The following HP1BP3 variants were observed in gnomAD, a reference collection of about 807,000 sequenced individuals.
HP1BP3 encodes heterochromatin protein 1-binding protein 3.
Under a neutral mutation model 62.5 loss-of-function variants are expected in HP1BP3, and 12 were observed. That is an observed-to-expected ratio of 0.19 (90% CI 0.12 to 0.31). HP1BP3 has a LOEUF of 0.31. Ranked by LOEUF, HP1BP3 falls within the 10% of genes least tolerant of loss-of-function variation. The pLI is 1.00. For missense variants in HP1BP3, 502 were observed against 651.8 expected, an observed-to-expected ratio of 0.77 and a Z score of 2.50; for synonymous variants, 260 against 237.8, an observed-to-expected ratio of 1.09 and a Z score of -0.86.
chr1:20,743,015 G>A lies in HP1BP3; in HGVS notation c.*1782C>T, dbSNP rs973522786. 2 of 152,452 alleles carry A rather than the reference G, an allele frequency of 1.3e-5. No individual in the cohort carries two copies. The highest frequency in any genetic ancestry group is 4.8e-5 in the African/African-American group (2 of 41,428). 9.4% of individuals were successfully genotyped at this position (152,452 alleles called of 1,614,324 possible). ...CCACAGGGAAGAGAAATGATAACCA[G>A]AAATTTGTATTTCTAGCTAGTACTA... is the stretch of plus-strand genomic sequence containing the variant. On this transcript the variant is annotated 3_prime_UTR_variant, in exon 13 of 13. Transcript: ENST00000438032.
Position 20,773,546 on chromosome 1 carries a change from G to GGGTA in HP1BP3, c.411_414dup (p.Leu139TyrfsTer30), listed in dbSNP as rs2057156624. ...GCCCTGGCTAGCTGGCTGGCAGAAA[G>GGGTA]GGTAGCCCAGGAAGGAATTGTTTTT... On this transcript the variant is annotated frameshift_variant, in exon 5 of 13. Transcript: ENST00000438032. LOFTEE classifies it high-confidence loss of function. The GGGTA allele has an allele frequency of 6.2e-7, 1 of 1,611,746 alleles. No homozygotes were observed. The highest frequency in any genetic ancestry group is 1.3e-5 in the African/African-American group (1 of 74,852).
chr1:20,746,202 G>A lies in HP1BP3; in HGVS notation c.1254-546C>T, dbSNP rs868720956. 4.9e-3 allele frequency among the ~76,000 whole-genome samples: 745 copies of A among 151,432 alleles called. 6 individuals are homozygous for A. Among genetic ancestry groups the A allele is most frequent in the African/African-American group, 0.016 (672 of 41,138 alleles). ...CATACATATATGTGTGTGTGTGTGT[G>A]TGTGTGTGTGTGTGTGTGTGTGTGT... On this transcript the variant is annotated intron_variant, in intron 11 of 12. Coordinates refer to ENST00000438032, the MANE Select transcript of HP1BP3 (RefSeq NM_001372052.1).
chr1:20,776,502 G>T (rs1463597506), intron 4 of HP1BP3, 95 bp downstream of exon 4: 1 of 1,095,888 alleles, frequency 9.1e-7, no homozygotes, highest in Non-Finnish European at 1.3e-6. Flanking sequence ...CAAATACCTA[G>T]CATAAACCAA....
chr1:20,765,277 A>G, intron 8 of HP1BP3, 100 bp downstream of exon 8: 1 of 734,936 alleles, frequency 1.4e-6, no homozygotes, highest in Non-Finnish European at 2.0e-6. Context: ...TTTAGCTGAA[A>G]GTAATCCTTC....
intron 8 of HP1BP3, among the ~76,000 whole-genome samples, chr1:20,759,941 T>C (rs531158282): frequency 3.2e-4 from 45 of 141,502 alleles, no homozygotes; most frequent in Middle Eastern, 4.2e-3. Context: ...CAGGCTGGAG[T>C]GCAGTGGCAC....
chr1:20,774,589 G>A (rs929385466), intron 4 of HP1BP3: 12 of 152,176 alleles, frequency 7.9e-5, no homozygotes, highest in African/African-American at 2.9e-4. Flanking sequence ...CTATTACCTG[G>A]TTAACATGAT....
chr1:20,750,620 G>C (rs1324877986), intron 9 of HP1BP3, among the ~76,000 whole-genome samples: 2 of 150,600 alleles, frequency 1.3e-5, no homozygotes, highest in Admixed American at 6.6e-5. Context: ...AAGTATAGCT[G>C]ACCCTTGAAC....
chr1:20,779,734 G>A (rs2057459785), intron 3 of HP1BP3, 78 bp downstream of exon 3: 12 of 672,518 alleles, frequency 1.8e-5, no homozygotes, highest in South Asian at 3.8e-5. Context: ...AAACAATTAA[G>A]TTCAAAGGAA....
At chr1:20,750,482 A>G (rs550426395) in intron 9 of HP1BP3, among the ~76,000 whole-genome samples, 1 of 151,340 alleles carries the variant, frequency 6.6e-6, no homozygotes, top group Non-Finnish European at 1.5e-5. Flanking sequence ...TGCCGAAATC[A>G]TGCCACTGAA....
chr1:20,754,136 A>C (rs1437788434), intron 9 of HP1BP3, among the ~76,000 whole-genome samples: 1 of 152,148 alleles, frequency 6.6e-6, no homozygotes, highest in Non-Finnish European at 1.5e-5. Flanking sequence ...AGAAACTACT[A>C]CAACTGGTGA....
chr1:20,785,850 G>C (rs1238479532), intron 1 of HP1BP3, among the ~76,000 whole-genome samples: 1 of 152,176 alleles, frequency 6.6e-6, no homozygotes, highest in Non-Finnish European at 1.5e-5. Flanking sequence ...AAATCAAAAA[G>C]CTAACAAGTT....
intron 12 of HP1BP3, 103 bp downstream of exon 12, chr1:20,745,440 G>A: frequency 7.4e-7 from 1 of 1,349,044 alleles, no homozygotes; most frequent in Non-Finnish European, 9.9e-7. Context: ...GAAGGATCCT[G>A]AGTTTCTGAA....
At chr1:20,770,864 T>C (rs1202509295) in intron 6 of HP1BP3, 66 bp downstream of exon 6, 29 of 1,232,698 alleles carry the variant, frequency 2.4e-5, no homozygotes, top group Non-Finnish European at 3.1e-5. Context: ...AGCCTAAATG[T>C]TACTAACTGT....
At chr1:20,785,471 C>G (rs774208843) in intron 1 of HP1BP3, among the ~76,000 whole-genome samples, 2 of 152,188 alleles carry the variant, frequency 1.3e-5, no homozygotes, top group Non-Finnish European at 2.9e-5. Flanking sequence ...AATCTTAAGT[C>G]ATTCACTACA....
chr1:20,757,106 G>A (rs2056161015), intron 9 of HP1BP3, 60 bp downstream of exon 9: 5 of 1,011,752 alleles, frequency 4.9e-6, no homozygotes, highest in South Asian at 4.0e-5. Flanking sequence ...AGTATAAGGA[G>A]GTCCTGAAAC....
rs1308889143 is a variant in HP1BP3, at chr1:20,748,765, A to T, written c.1141+958T>A. 2.6e-5 allele frequency among the ~76,000 whole-genome samples: 4 copies of T among 151,756 alleles called. No homozygotes were observed. In the East Asian group the frequency reaches 5.8e-4, roughly 22 times the overall value. On this transcript the variant is annotated intron_variant, in intron 10 of 12. Transcript: ENST00000438032. ...GGCAACACAGCGAGACTCCGTCTAA[A>T]AAAAAAAAAAGACTTCAAAATTACC...
At chr1:20,765,647 G>T in intron 7 of HP1BP3, 116 bp from the exon 8 acceptor site, 1 of 795,232 alleles carries the variant, frequency 1.3e-6, no homozygotes, top group Non-Finnish European at 2.0e-6. Flanking sequence ...CAATTTCTTT[G>T]ATATAAAATT....
intron 9 of HP1BP3, among the ~76,000 whole-genome samples, chr1:20,752,761 T>TA (rs1468750099): frequency 6.6e-6 from 1 of 152,198 alleles, no homozygotes; most frequent in East Asian, 1.9e-4. Context: ...ATGCCCTTGA[T>TA]AAAGTACTAA....
chr1:20,758,223 C>A (rs1280210393), intron 8 of HP1BP3, among the ~76,000 whole-genome samples: 1 of 152,162 alleles, frequency 6.6e-6, no homozygotes, highest in East Asian at 1.9e-4. Context: ...CTGTAATGGT[C>A]ATACTATGAG....
Sources: gnomAD v4.1 joint callset for allele counts (sites outside exome capture counted in the v4.1 genomes callset) on GRCh38, gnomAD v4.1.1 for gene constraint, MANE v1.5 for transcripts, NCBI Gene and HGNC (gene_info 2026-07-23, HGNC 2026-07-21) for gene names.